Variants in STXBP4 observed in about 807,000 individuals in gnomAD.
STXBP4 encodes the protein syntaxin binding protein 4, also known as syntaxin-binding protein 4.
Under a neutral mutation model 76.1 loss-of-function variants are expected in STXBP4, and 55 were observed. The observed-to-expected ratio is 0.72, with a 90% CI of 0.58 to 0.91. The LOEUF (loss-of-function observed/expected upper bound fraction) is 0.91, where lower values mean the gene tolerates loss of function less well. STXBP4 is among the 40% of genes least tolerant of loss of function. The probability of loss-of-function intolerance (pLI) is 0.00; values close to 1 mark genes in which losing one functional copy is unlikely to be tolerated. For missense variants in STXBP4, 618 were observed against 636.9 expected (o/e 0.97, Z 0.32); for synonymous variants, 201 against 220.2 (o/e 0.91, Z 0.77).
In STXBP4 at chr17:55,078,582, G is replaced by T; in HGVS notation, c.1306-104G>T. 5.5e-6 allele frequency: 4 copies of T among 720,836 alleles called. No homozygotes were observed. The South Asian group carries it at 5.9e-5, about 11-fold the overall frequency. 44.7% of individuals were successfully genotyped at this position (720,836 alleles called of 1,614,324 possible). ...CCCCCGCTACATAATAGAAGCATCAGTTTAATCCGTGGACAGAGGAGGTTA... is the reference window on the plus strand; with the variant it reads ...CCCCCGCTACATAATAGAAGCATCATTTTAATCCGTGGACAGAGGAGGTTA... On this transcript the variant is annotated intron_variant, in intron 14 of 17. Coordinates refer to ENST00000376352, the MANE Select transcript of STXBP4 (RefSeq NM_178509.6).
chr17:55,012,937 G>A (rs577634140), intron 8 of STXBP4, among the ~76,000 whole-genome samples: 1 of 152,320 alleles, frequency 6.6e-6, no homozygotes, highest in South Asian at 2.1e-4. Context: ...ACTGGGTTAA[G>A]AGTTGCACAA....
intron 16 of STXBP4, among the ~76,000 whole-genome samples, chr17:55,090,649 C>G (rs1410400273): frequency 2.6e-5 from 4 of 152,018 alleles, no homozygotes; most frequent in Admixed American, 2.6e-4. Flanking sequence ...CTCATTCAGG[C>G]TATTCTAGCT....
intron 12 of STXBP4, among the ~76,000 whole-genome samples, chr17:55,048,668 G>A (rs1408790190): frequency 6.6e-6 from 1 of 151,718 alleles, no homozygotes; most frequent in Non-Finnish European, 1.5e-5. Flanking sequence ...TAAAACTTAG[G>A]AAAGAAGGAA....
In STXBP4 at chr17:54,993,976, C is replaced by T. The variant is rs1335443212; in HGVS notation, c.180+3019C>T. ...CACCACCCACCCCAAAAGTTTTCCT[C>T]CTGGAAAATATGAGAATAAAATACT... On this transcript the variant is annotated intron_variant, in intron 4 of 17. Coordinates refer to ENST00000376352, the MANE Select transcript of STXBP4 (RefSeq NM_178509.6). Among the ~76,000 whole-genome samples the T allele has an allele frequency of 2.0e-5, 3 of 152,068 alleles. No individual in the cohort carries two copies. The East Asian group carries it at 5.8e-4, about 29-fold the overall frequency.
intron 12 of STXBP4, among the ~76,000 whole-genome samples, chr17:55,060,372 A>C (rs959106811): frequency 4.6e-5 from 7 of 152,284 alleles, no homozygotes; most frequent in South Asian, 2.1e-4. Context: ...TAAAAATTAT[A>C]AATACAGAGT....
downstream of STXBP4, among the ~76,000 whole-genome samples, chr17:55,176,073 A>T (rs2145222045): frequency 6.6e-6 from 1 of 152,340 alleles, no homozygotes; most frequent in East Asian, 1.9e-4. Context: ...AGTATGGGTG[A>T]GTAAACAAAC....
At position 55,079,598 on chromosome 17, in the gene STXBP4, C is replaced by CA. The variant is rs5821084; in HGVS notation, c.1355+880dup. Among the ~76,000 whole-genome samples, 300 of 114,266 alleles carry CA rather than the reference C, an allele frequency of 2.6e-3. 5 individuals carry two copies. The South Asian group carries it at 0.051, about 19-fold the overall frequency. 75.0% of individuals were successfully genotyped at this position (114,266 alleles called of 152,430 possible). On this transcript the variant is annotated intron_variant, in intron 15 of 17. Coordinates refer to ENST00000376352, the MANE Select transcript of STXBP4 (RefSeq NM_178509.6). ...GGCACACAGTGGGACCCTATCTCTA[C>CA]AAAAAAAAAAAAAAAAAGAAATAGC...
chr17:55,120,380 C>G (rs1373699244), intron 16 of STXBP4, among the ~76,000 whole-genome samples: 1 of 152,176 alleles, frequency 6.6e-6, no homozygotes, highest in Non-Finnish European at 1.5e-5. Flanking sequence ...TAGTACCTAC[C>G]TATAAATAAT....
chr17:55,103,010 G>T (rs574502337), intron 16 of STXBP4, among the ~76,000 whole-genome samples: 5 of 152,132 alleles, frequency 3.3e-5, no homozygotes, highest in African/African-American at 1.2e-4. Context: ...TAAGTTCTTT[G>T]TAGATTCTGG....
chr17:54,990,522 G>A (rs1207397260), intron 3 of STXBP4, among the ~76,000 whole-genome samples: 1 of 151,986 alleles, frequency 6.6e-6, no homozygotes, highest in Non-Finnish European at 1.5e-5. Context: ...CAAGCTCAGG[G>A]CTCCCCCTGA....
intron 16 of STXBP4, among the ~76,000 whole-genome samples, chr17:55,100,470 A>T (rs1286886079): frequency 6.6e-6 from 1 of 152,246 alleles, no homozygotes. Context: ...TGATGAACTT[A>T]CATGTTTAAA....
chr17:55,134,487 A>G (rs2080006755), intron 16 of STXBP4, among the ~76,000 whole-genome samples: 1 of 152,170 alleles, frequency 6.6e-6, no homozygotes, highest in South Asian at 2.1e-4. Context: ...ATGAAGATCC[A>G]TTATTTCATC....
intron 16 of STXBP4, among the ~76,000 whole-genome samples, chr17:55,090,855 CTGTG>C (rs57750914): frequency 0.097 from 14,256 of 147,192 alleles, 838 homozygotes; most frequent in African/African-American, 0.17. Context: ...GTGTGTGTGT[CTGTG>C]TGTGTGTGTG....
At chr17:55,152,136 C>T (rs1368582767) in intron 17 of STXBP4, among the ~76,000 whole-genome samples, 1 of 152,166 alleles carries the variant, frequency 6.6e-6, no homozygotes, top group East Asian at 1.9e-4. Flanking sequence ...TTGTCTACCA[C>T]TTTTGAGTAT....
At chr17:55,075,692 A>C (rs2079173679) in intron 13 of STXBP4, among the ~76,000 whole-genome samples, 1 of 152,188 alleles carries the variant, frequency 6.6e-6, no homozygotes, top group South Asian at 2.1e-4. Flanking sequence ...TTTTATTTTA[A>C]TTTTATTAAT....
the STXBP4 span, among the ~76,000 whole-genome samples, chr17:55,203,969 C>G: frequency 6.6e-6 from 1 of 152,162 alleles, no homozygotes; most frequent in Non-Finnish European, 1.5e-5. Flanking sequence ...TATAGCACTT[C>G]TTGAAAATGT....
intron 8 of STXBP4, among the ~76,000 whole-genome samples, chr17:55,020,139 A>G (rs953054651): frequency 1.3e-5 from 2 of 152,128 alleles, no homozygotes; most frequent in South Asian, 4.2e-4. Flanking sequence ...TACCCGTTCA[A>G]TTACATATTT....
In STXBP4 at chr17:55,083,915, G is replaced by A. The variant is rs146648822; in HGVS notation, c.1489+2732G>A. ...AGGGGATGGGACTTAGACTCCACCC[G>A]TGTATGGGAAAGTGACAAGGTCTCT... On this transcript the variant is annotated intron_variant, in intron 16 of 17. Coordinates refer to ENST00000376352, the MANE Select transcript of STXBP4 (RefSeq NM_178509.6). Among the ~76,000 whole-genome samples, 72 of 152,264 alleles carry A rather than the reference G, an allele frequency of 4.7e-4. 3 individuals carry two copies. Among genetic ancestry groups the A allele is most frequent in the South Asian group, 4.1e-4 (2 of 4,826 alleles).
At chr17:55,076,876 C>T (rs909037842) in intron 13 of STXBP4, among the ~76,000 whole-genome samples, 4 of 151,958 alleles carry the variant, frequency 2.6e-5, no homozygotes, top group African/African-American at 9.7e-5. Context: ...AGTTTCTTTA[C>T]CTCTGTTGTC....
Sources: gnomAD v4.1 joint callset for allele counts (sites outside exome capture counted in the v4.1 genomes callset) on GRCh38, gnomAD v4.1.1 for gene constraint, MANE v1.5 for transcripts, NCBI Gene and HGNC (gene_info 2026-07-23, HGNC 2026-07-21) for gene names.